The following NEK10 variants were observed in gnomAD, a reference collection of about 807,000 sequenced individuals.
NEK10 encodes the protein NIMA related kinase 10.
In NEK10, 122 loss-of-function variants were observed where a neutral mutation model predicts 159.8. The observed-to-expected ratio is 0.76, with a 90% CI of 0.66 to 0.89. NEK10 has a LOEUF of 0.89. Among genes scored for constraint, NEK10 ranks in the 40% least tolerant of loss-of-function variants. The pLI is 0.00. For synonymous variants in NEK10, 466 were observed against 457.1 expected (o/e 1.02, Z -0.25); for missense variants, 1,342 against 1,323.1 (o/e 1.01, Z -0.22).
chr3:27,213,121 C>T (rs1302492637), intron 23 of NEK10, among the ~76,000 whole-genome samples: 2 of 152,172 alleles, frequency 1.3e-5, no homozygotes, highest in African/African-American at 2.4e-5. Flanking sequence ...GGCTCTTGAG[C>T]CCCTATGCTC....
intron 19 of NEK10, among the ~76,000 whole-genome samples, chr3:27,288,416 C>T (rs569589542): frequency 2.0e-5 from 3 of 152,056 alleles, no homozygotes; most frequent in South Asian, 4.2e-4. Context: ...AATTTCCCAC[C>T]CTTGACATCC....
At chr3:27,204,315 T>TTTTTTTTTTTTTTTTTTTGTTTTGTTTTG (rs1559606319) in intron 23 of NEK10, among the ~76,000 whole-genome samples, 2 of 113,186 alleles carry the variant, frequency 1.8e-5, no homozygotes, top group Admixed American at 1.1e-4. Flanking sequence ...TTTTTTTTTT[T>TTTTTTTTTTTTTTTTTTTGTTTTGTTTTG]TTTTTTATTA....
intron 35 of NEK10, among the ~76,000 whole-genome samples, chr3:27,113,702 A>G (rs1211951499): frequency 6.6e-6 from 1 of 152,200 alleles, no homozygotes; most frequent in Non-Finnish European, 1.5e-5. Flanking sequence ...TAATAAAGCC[A>G]TATGTCTTTG....
chr3:27,317,527 CT>C (rs2045293769), intron 6 of NEK10, among the ~76,000 whole-genome samples: 1 of 152,124 alleles, frequency 6.6e-6, no homozygotes, highest in Non-Finnish European at 1.5e-5. Flanking sequence ...AGCTTACCCC[CT>C]GAATTGTTCC....
chr3:27,298,589 T>C (rs2043552281), intron 13 of NEK10, among the ~76,000 whole-genome samples: 1 of 152,160 alleles, frequency 6.6e-6, no homozygotes, highest in Non-Finnish European at 1.5e-5. Context: ...TGGAACTGGG[T>C]AACAAGCAGA....
chr3:27,227,395 C>T (rs1306372346), intron 23 of NEK10, among the ~76,000 whole-genome samples: 2 of 152,174 alleles, frequency 1.3e-5, no homozygotes, highest in Admixed American at 6.5e-5. Context: ...CCAGCTTCTC[C>T]GCGAAGTAGG....
chr3:27,136,675 A>C (rs975943264), intron 31 of NEK10, among the ~76,000 whole-genome samples: 13 of 152,220 alleles, frequency 8.5e-5, no homozygotes, highest in Non-Finnish European at 1.8e-4. Flanking sequence ...TACGATTACC[A>C]TTTCAGCTTT....
chr3:27,295,359 G>A (rs1473566817), intron 15 of NEK10, among the ~76,000 whole-genome samples: 6 of 152,074 alleles, frequency 3.9e-5, no homozygotes, highest in Admixed American at 1.3e-4. Context: ...TAAAAAAATA[G>A]AACTTATTGA....
chr3:27,236,014 C>T (rs1351889389), intron 23 of NEK10, among the ~76,000 whole-genome samples: 4 of 152,106 alleles, frequency 2.6e-5, no homozygotes, highest in Non-Finnish European at 5.9e-5. Flanking sequence ...ATGGATAGAG[C>T]TGGAGGCCAT....
intron 13 of NEK10, among the ~76,000 whole-genome samples, chr3:27,297,994 A>C (rs1264234676): frequency 6.6e-6 from 1 of 152,248 alleles, no homozygotes; most frequent in Non-Finnish European, 1.5e-5. Context: ...CATGATTATC[A>C]TCACCATTTT....
chr3:27,138,568 T>G (rs568039408), intron 31 of NEK10, among the ~76,000 whole-genome samples: 2 of 152,312 alleles, frequency 1.3e-5, no homozygotes, highest in East Asian at 1.9e-4. Context: ...ATACTCATCA[T>G]AGTTAATAAT....
chr3:27,177,459 G>A (rs1428323995), intron 26 of NEK10, among the ~76,000 whole-genome samples: 3 of 151,922 alleles, frequency 2.0e-5, no homozygotes, highest in Admixed American at 6.6e-5. Context: ...GGAGGAGAAT[G>A]GCATGATCCC....
rs1317661672 is a variant in NEK10, at chr3:27,119,870, T to C, written c.3082-2A>G. ...CGGTTCTGGAGATCCCTGAGATAAC[T>C]GAAATAGAAAAAGCAAAATCACATC... is the stretch of plus-strand genomic sequence containing the variant. On this transcript the variant is annotated splice_acceptor_variant, in intron 32 of 35. Transcript: ENST00000691995. LOFTEE classifies it high-confidence loss of function. 1 of 1,611,654 alleles carries C rather than the reference T, an allele frequency of 6.2e-7. No individual in the cohort carries two copies. Among genetic ancestry groups the C allele is most frequent in the African/African-American group, 1.3e-5 (1 of 74,860 alleles).
intron 5 of NEK10, among the ~76,000 whole-genome samples, chr3:27,323,894 T>G (rs1010387952): frequency 6.6e-6 from 1 of 152,230 alleles, no homozygotes; most frequent in Admixed American, 6.5e-5. Context: ...CACAAGGCCT[T>G]GCACCCAGCA....
chr3:27,301,581 A>T, intron 13 of NEK10, 115 bp downstream of exon 13: 1 of 763,178 alleles, frequency 1.3e-6, no homozygotes, highest in Non-Finnish European at 2.1e-6. Context: ...ATTTCACTTT[A>T]CATTTTTGTA....
intron 33 of NEK10, among the ~76,000 whole-genome samples, chr3:27,118,346 C>G (rs763276457): frequency 6.6e-6 from 1 of 152,240 alleles, no homozygotes; most frequent in Non-Finnish European, 1.5e-5. Flanking sequence ...CCTTAACACA[C>G]TCCGATGCCA....
intron 29 of NEK10, among the ~76,000 whole-genome samples, chr3:27,170,692 TC>T (rs1305421958): frequency 6.6e-6 from 1 of 152,082 alleles, no homozygotes; most frequent in Non-Finnish European, 1.5e-5. Flanking sequence ...GCCACTGCAC[TC>T]CAGCCTGGGT....
chr3:27,273,536 T>C (rs1462197471), intron 22 of NEK10, among the ~76,000 whole-genome samples: 2 of 152,226 alleles, frequency 1.3e-5, no homozygotes, highest in South Asian at 2.1e-4. Flanking sequence ...TTTTATCACA[T>C]AGTAAATGCT....
At chr3:27,263,867 C>T (rs769837434) in intron 22 of NEK10, among the ~76,000 whole-genome samples, 1 of 152,192 alleles carries the variant, frequency 6.6e-6, no homozygotes, top group Admixed American at 6.5e-5. Flanking sequence ...GAACCCAGTA[C>T]CTCAGTTGGA....
Sources: allele counts gnomAD v4.1 joint callset (sites outside exome capture counted in the v4.1 genomes callset), GRCh38; gene constraint gnomAD v4.1.1; transcripts MANE v1.5; gene names NCBI Gene and HGNC (gene_info 2026-07-23, HGNC 2026-07-21).